ADAM33: variants seen among roughly 807,000 people sequenced by gnomAD.
The protein encoded by ADAM33 is ADAM metallopeptidase domain 33.
In ADAM33, 103 loss-of-function variants were observed where a neutral mutation model predicts 106.2. That is an observed-to-expected ratio of 0.97 (90% CI 0.83 to 1.14). The LOEUF (loss-of-function observed/expected upper bound fraction) is 1.14, where lower values mean the gene tolerates loss of function less well. ADAM33 is among the 50% of genes most tolerant of loss of function. ADAM33 has a pLI of 0.00. For synonymous variants in ADAM33, 483 were observed against 453.0 expected (o/e 1.07, Z -0.84); for missense variants, 1,120 against 1,096.6 (o/e 1.02, Z -0.30).
In ADAM33 at chr20:3,675,843, A is replaced by G. The variant is rs1448213190; in HGVS notation, c.255-738T>C. ...ACCTCACCTTGGCCTCATTACCTCC[A>G]GACCACCCGCTAATGATGGCTGCTT... On this transcript the variant is annotated intron_variant, in intron 3 of 21. Transcript: ENST00000356518. The surrounding 1 kb of genome is among the most constrained non-coding windows in gnomAD (Gnocchi z 4.1). Among the ~76,000 whole-genome samples, 1 of 152,088 alleles carries G rather than the reference A, an allele frequency of 6.6e-6. No homozygotes were observed. Among genetic ancestry groups the G allele is most frequent in the Non-Finnish European group, 1.5e-5 (1 of 68,008 alleles).
rs1318581344 is a variant in ADAM33, at chr20:3,673,585, C to T, written c.979G>A (p.Gly327Ser). 1.5e-6 allele frequency: 2 copies of T among 1,376,898 alleles called. No homozygotes were observed. Among genetic ancestry groups the T allele is most frequent in the South Asian group, 1.7e-5 (1 of 58,990 alleles). The allele number at this position is 1,376,898 out of a possible 1,614,324, so 85.3% of individuals were successfully genotyped here. Residue 327 changes from glycine to serine, a missense_variant, in exon 10 of 22, where the codon GGC becomes AGC. Coordinates refer to ENST00000356518, the MANE Select transcript of ADAM33 (RefSeq NM_025220.5). ...EGMCRAESSGGVSTDHSELPI... is the reference protein window; with the variant it reads ...EGMCRAESSGSVSTDHSELPI... ...CCCGCGGGGCTCACCGTGCTCACGCCTCCCGAGCTCTCGGCGCGGCACATG... is the reference window on the plus strand; with the variant it reads ...CCCGCGGGGCTCACCGTGCTCACGCTTCCCGAGCTCTCGGCGCGGCACATG...
rs2087864734 is a variant in ADAM33 at position 3,675,240 on chromosome 20, G to A, written c.255-135C>T. 3 of 680,120 alleles carry A rather than the reference G, an allele frequency of 4.4e-6. No homozygotes were observed. The highest frequency in any genetic ancestry group is 1.8e-5 in the South Asian group (1 of 55,180). The allele number at this position is 680,120 out of a possible 1,614,324, so 42.1% of individuals were successfully genotyped here. A position where few individuals can be genotyped will look rare whatever the true frequency, so the allele number is the denominator to read the frequency against. ...CACTCACAGTGTGTCTTAGGGAAGGGACAGGAGCAATGGTGACTTGCTCAG... is the reference window on the plus strand; with the variant it reads ...CACTCACAGTGTGTCTTAGGGAAGGAACAGGAGCAATGGTGACTTGCTCAG... On this transcript the variant is annotated intron_variant, in intron 3 of 21. Transcript: ENST00000356518. This position sits in a 1 kb window ranked among gnomAD's most constrained non-coding sequence, Gnocchi z 4.1.
chr20:3,679,641 A>ATGTCCTCTACCCCCCTCCCTCT, intron 1 of ADAM33, 70 bp from the exon 2 acceptor site: 1 of 1,382,606 alleles, frequency 7.2e-7, no homozygotes, highest in Non-Finnish European at 1.0e-6. Flanking sequence ...AAGCAGAGGG[A>ATGTCCTCTACCCCCCTCCCTCT]GGGGGGTAGA....
intron 18 of ADAM33, 29 bp downstream of exon 18, chr20:3,671,208 T>C (rs761496743): frequency 1.2e-6 from 2 of 1,613,068 alleles, no homozygotes; most frequent in Non-Finnish European, 1.7e-6. Context: ...CCACCCCAGC[T>C]CCTGCCCACA....
chr20:3,679,683 T>TG (rs1295206989), intron 1 of ADAM33, 112 bp from the exon 2 acceptor site: 7 of 901,500 alleles, frequency 7.8e-6, no homozygotes, highest in Non-Finnish European at 1.2e-5. Flanking sequence ...GGAGGCCTTT[T>TG]GGGGCAGACT....
At position 3,675,233 on chromosome 20, in the gene ADAM33, G is replaced by A; in HGVS notation, c.255-128C>T. On this transcript the variant is annotated intron_variant, in intron 3 of 21. Coordinates refer to ENST00000356518, the MANE Select transcript of ADAM33 (RefSeq NM_025220.5). The surrounding 1 kb of genome is among the most constrained non-coding windows in gnomAD (Gnocchi z 4.1). Reference sequence around the variant, plus strand: ...AGTGAGACACTCACAGTGTGTCTTAGGGAAGGGACAGGAGCAATGGTGACT... The same window carrying A: ...AGTGAGACACTCACAGTGTGTCTTAAGGAAGGGACAGGAGCAATGGTGACT... 1.4e-6 allele frequency: 1 copy of A among 707,510 alleles called. No homozygotes were observed. Among genetic ancestry groups the A allele is most frequent in the South Asian group, 1.8e-5 (1 of 56,880 alleles). 43.8% of individuals were successfully genotyped at this position (707,510 alleles called of 1,614,324 possible). A position where few individuals can be genotyped will look rare whatever the true frequency, so the allele number is the denominator to read the frequency against.
Position 3,672,234 on chromosome 20 carries a change from A to T in ADAM33, c.1497T>A (p.Val499=), listed in dbSNP as rs41525645. ...TGTSSHCPPD[V]YLLDGSPCAR... ...CACAGGGTGAGCCGTCCAGTAGGTA[A>T]ACGTCTGGGGGACAGTGGGAGGAGG... The change falls in exon 14 of 22, where the codon GTT becomes GTA. Residue 499 remains valine (V), a synonymous_variant. Coordinates refer to ENST00000356518, the MANE Select transcript of ADAM33 (RefSeq NM_025220.5). The T allele has an allele frequency of 1.4e-3, 2,253 of 1,613,412 alleles. 29 individuals carry two copies. In the African/African-American group the frequency reaches 0.026, roughly 18 times the overall value.
intron 19 of ADAM33, chr20:3,669,907 C>G (rs2146356833): frequency 1.7e-6 from 1 of 583,560 alleles, no homozygotes; most frequent in South Asian, 2.0e-5. Flanking sequence ...CAGCCTGGCA[C>G]TCTCCAGATG....
At position 3,673,024 on chromosome 20, in the gene ADAM33, C is replaced by G. The variant is rs182719808; in HGVS notation, c.1134-126G>C. On this transcript the variant is annotated intron_variant, in intron 11 of 21. Coordinates refer to ENST00000356518, the MANE Select transcript of ADAM33 (RefSeq NM_025220.5). ...CAGAGCCCAGAGAGGGGAAGTAACC[C>G]GCGCAAAGTCACACAACAAGCGGGA... 49 of 1,434,716 alleles carry G rather than the reference C, an allele frequency of 3.4e-5. No homozygotes were observed. The African/African-American group carries it at 6.9e-4, about 20-fold the overall frequency. 88.9% of individuals were successfully genotyped at this position (1,434,716 alleles called of 1,614,324 possible). A position where few individuals can be genotyped will look rare whatever the true frequency, so the allele number is the denominator to read the frequency against.
chr20:3,679,514 C>A lies in ADAM33; in HGVS notation c.155G>T (p.Arg52Leu). 1 of 1,609,786 alleles carries A rather than the reference C, an allele frequency of 6.2e-7. No homozygotes were observed. Among genetic ancestry groups the A allele is most frequent in the Non-Finnish European group, 8.5e-7 (1 of 1,178,302 alleles). The part of the protein sequence containing the change: ...PHWVLDGQPW[R>L]TVSLEEPVSK... ...GACCGGCTCCTCCAGGCTGACGGTG[C>A]GCCAGGGTTGTCCATCCAGGACCCA... The change falls in exon 2 of 22, where the codon CGC (arginine) becomes CTC (leucine). Residue 52 changes from arginine to leucine, a missense_variant. Physicochemically the swap from Arg to Leu is moderately radical, Grantham distance 102. Transcript: ENST00000356518.
rs757840545 is a variant in ADAM33, at chr20:3,669,014, G to A, written c.2405-14C>T. On this transcript the variant is annotated splice_polypyrimidine_tract_variant and intron_variant, in intron 21 of 21. Coordinates refer to ENST00000356518, the MANE Select transcript of ADAM33 (RefSeq NM_025220.5). The stretch of plus-strand genomic sequence containing the variant: ...GGACTTGATCTGCTGAGAATGAGGA[G>A]GATATGTTGTCCCCTAAGGACTGGG... The A allele has an allele frequency of 6.2e-7, 1 of 1,613,946 alleles. No individual in the cohort carries two copies. Among genetic ancestry groups the A allele is most frequent in the Admixed American group, 1.7e-5 (1 of 60,016 alleles).
chr20:3,681,576 C>T (rs1009668870), intron 1 of ADAM33, among the ~76,000 whole-genome samples: 1 of 150,438 alleles, frequency 6.6e-6, no homozygotes, highest in Non-Finnish European at 1.5e-5. Context: ...GTTGTGAGAG[C>T]GAGAATCCAG....
intron 2 of ADAM33, among the ~76,000 whole-genome samples, chr20:3,677,420 G>A (rs1413872535): frequency 6.6e-6 from 1 of 152,196 alleles, no homozygotes; most frequent in African/African-American, 2.4e-5. Context: ...AGAGACCAGA[G>A]GTCCCAGAAA....
Position 3,681,918 on chromosome 20 carries a change from C to A in ADAM33, c.87G>T (p.Gly29=). 6.3e-7 allele frequency: 1 copy of A among 1,591,110 alleles called. No individual in the cohort carries two copies. ...LLLLWPVPGA[G]VLQGHIPGQP... is the part of the protein sequence containing the mutation. ...CGCCCGCGTCCTCACCTTGAAGCAC[C>A]CCGGCGCCTGGCACTGGCCAGAGCA... is the stretch of plus-strand genomic sequence containing the variant. Residue 29 remains glycine, a synonymous_variant, in exon 1 of 22, where the codon GGG becomes GGT. Coordinates refer to ENST00000356518, the MANE Select transcript of ADAM33 (RefSeq NM_025220.5).
intron 3 of ADAM33, 93 bp downstream of exon 3, chr20:3,676,974 T>A: frequency 7.2e-7 from 1 of 1,381,254 alleles, no homozygotes. Flanking sequence ...TCTGGGGTCC[T>A]CTGCCCATCC....
At chr20:3,679,443 G>C (rs372561590) in intron 2 of ADAM33, 49 bp downstream of exon 2, 1 of 1,549,268 alleles carries the variant, frequency 6.5e-7, no homozygotes. Context: ...AGACAAAAGG[G>C]CTGGGAGGTT....
In ADAM33 at chr20:3,675,427, C is replaced by T. The variant is rs1034888520; in HGVS notation, c.255-322G>A. Among the ~76,000 whole-genome samples, 3 of 152,042 alleles carry T rather than the reference C, an allele frequency of 2.0e-5. No individual in the cohort carries two copies. Among genetic ancestry groups the T allele is most frequent in the Non-Finnish European group, 4.4e-5 (3 of 68,012 alleles). ...CAGCAGGCAGCAGGATCCACAGGAT[C>T]GGGAGGGGAGGAGTCAGGAGACACT... On this transcript the variant is annotated intron_variant, in intron 3 of 21. Transcript: ENST00000356518. This position sits in a 1 kb window ranked among gnomAD's most constrained non-coding sequence, Gnocchi z 4.1.
At chr20:3,673,041 C>T in intron 11 of ADAM33, 143 bp from the exon 12 acceptor site, 2 of 1,435,194 alleles carry the variant, frequency 1.4e-6, no homozygotes, top group South Asian at 1.5e-5. Context: ...AGTCACACAA[C>T]AAGCGGGACA....
intron 3 of ADAM33, among the ~76,000 whole-genome samples, chr20:3,676,584 G>A (rs936321700): frequency 6.6e-6 from 1 of 151,792 alleles, no homozygotes; most frequent in Non-Finnish European, 1.5e-5. Flanking sequence ...GATTACAGGC[G>A]CCGCCACCAC....
Sources: gnomAD v4.1 joint callset for allele counts (sites outside exome capture counted in the v4.1 genomes callset) on GRCh38, gnomAD v4.1.1 for gene constraint, Gnocchi (gnomAD v3.1) non-coding constraint, MANE v1.5 for transcripts, NCBI Gene and HGNC (gene_info 2026-07-23, HGNC 2026-07-21) for gene names.